The following WDFY4 variants were observed in gnomAD, a reference collection of about 807,000 sequenced individuals.
WDFY4 encodes WD repeat- and FYVE domain-containing protein 4.
In WDFY4, 169 loss-of-function variants were observed where a neutral mutation model predicts 351.9. That is an observed-to-expected ratio of 0.48 (90% CI 0.42 to 0.55). The LOEUF is 0.55. Ranked by LOEUF, WDFY4 falls within the 20% of genes least tolerant of loss-of-function variation. WDFY4 has a pLI of 0.00. For missense variants in WDFY4, 3,803 were observed against 3,935.6 expected (o/e 0.97, Z 0.90); for synonymous variants, 1,622 against 1,574.6 (o/e 1.03, Z -0.71).
At chr10:48,919,903 T>C (rs900621585) in intron 47 of WDFY4, among the ~76,000 whole-genome samples, 2 of 152,164 alleles carry the variant, frequency 1.3e-5, no homozygotes, top group African/African-American at 4.8e-5. Context: ...TCTCAACGTA[T>C]TTTCTGATGT....
intron 47 of WDFY4, among the ~76,000 whole-genome samples, chr10:48,921,893 G>A (rs1478540097): frequency 6.6e-6 from 1 of 152,110 alleles, no homozygotes; most frequent in Non-Finnish European, 1.5e-5. Context: ...ATAGTCTCTT[G>A]GAAGACACTT....
chr10:48,726,586 G>A (rs1009158232), intron 6 of WDFY4, among the ~76,000 whole-genome samples: 1 of 152,286 alleles, frequency 6.6e-6, no homozygotes, highest in East Asian at 1.9e-4. Context: ...GAGCCAGACA[G>A]CCAGGACTGG....
rs542056244 is a variant in WDFY4 at position 48,909,838 on chromosome 10, T to A, written c.7586+7975T>A. On this transcript the variant is annotated intron_variant, in intron 47 of 61. Coordinates refer to ENST00000325239, the MANE Select transcript of WDFY4 (RefSeq NM_001394531.1). ...GGAGGAGACAAATGCCCAAACCATA[T>A]CAGTATCTCATTATACCTACATAAA... The A allele has an allele frequency of 4.7e-5, 8 of 170,376 alleles. No homozygotes were observed. The East Asian group carries it at 1.3e-3, about 27-fold the overall frequency. The allele number at this position is 170,376 out of a possible 1,614,324, so 10.6% of individuals were successfully genotyped here.
chr10:48,979,594 G>C (rs1239976725), intron 60 of WDFY4: 1 of 151,894 alleles, frequency 6.6e-6, no homozygotes, highest in Non-Finnish European at 1.5e-5. Flanking sequence ...TGGATGGATG[G>C]ATGGATGGAT....
intron 27 of WDFY4, among the ~76,000 whole-genome samples, chr10:48,807,030 T>C (rs1211499786): frequency 6.6e-6 from 1 of 152,164 alleles, no homozygotes; most frequent in Non-Finnish European, 1.5e-5. Context: ...AAATTACTAT[T>C]CCCATTTTGC....
chr10:48,784,275 A>G (rs889335731), intron 19 of WDFY4, among the ~76,000 whole-genome samples: 11 of 152,336 alleles, frequency 7.2e-5, no homozygotes, highest in Admixed American at 6.5e-4. Context: ...AACTATTTCG[A>G]AAATGATTGT....
chr10:48,769,832 G>C (rs749283041), intron 13 of WDFY4, among the ~76,000 whole-genome samples: 51 of 152,230 alleles, frequency 3.4e-4, no homozygotes, highest in Non-Finnish European at 5.0e-4. Context: ...GGACTTAAAG[G>C]CTAGGTCGTT....
chr10:48,945,231 C>T (rs1045917534), intron 49 of WDFY4, among the ~76,000 whole-genome samples: 9 of 151,996 alleles, frequency 5.9e-5, no homozygotes, highest in South Asian at 2.1e-4. Context: ...CAAAAATTAG[C>T]GAGGCATGGT....
At chr10:48,762,309 G>T (rs1351785365) in intron 13 of WDFY4, among the ~76,000 whole-genome samples, 1 of 152,196 alleles carries the variant, frequency 6.6e-6, no homozygotes, top group Non-Finnish European at 1.5e-5. Context: ...TTAAGAAAAG[G>T]CCTGACCCAG....
chr10:48,880,232 C>T (rs2070190794), intron 43 of WDFY4, among the ~76,000 whole-genome samples: 2 of 152,184 alleles, frequency 1.3e-5, no homozygotes, highest in Admixed American at 6.5e-5. Flanking sequence ...CGAGTGAGTC[C>T]CAGCCCCGCC....
intron 39 of WDFY4, among the ~76,000 whole-genome samples, chr10:48,836,690 C>G (rs926089347): frequency 1.3e-5 from 2 of 152,168 alleles, no homozygotes; most frequent in Non-Finnish European, 2.9e-5. Flanking sequence ...TTCTTCTCCC[C>G]CTGACCCCAT....
intron 44 of WDFY4, among the ~76,000 whole-genome samples, chr10:48,894,745 T>C (rs976632830): frequency 6.6e-6 from 1 of 152,170 alleles, no homozygotes; most frequent in African/African-American, 2.4e-5. Context: ...TTTTCTGTGG[T>C]TCCCACAAGC....
rs2068356649 is a variant in WDFY4, at chr10:48,835,526, G to A, written c.6663+2817G>A. Reference sequence around the variant, plus strand: ...CACCCCAGCTTCCAGGCAGCCACGGGGAATGTCTCCCTCACCTTTTAGCAC... The same window carrying A: ...CACCCCAGCTTCCAGGCAGCCACGGAGAATGTCTCCCTCACCTTTTAGCAC... On this transcript the variant is annotated intron_variant, in intron 39 of 61. Coordinates refer to ENST00000325239, the MANE Select transcript of WDFY4 (RefSeq NM_001394531.1). Among the ~76,000 whole-genome samples the A allele has an allele frequency of 2.0e-5, 3 of 152,284 alleles. No homozygotes were observed. The South Asian group carries it at 6.2e-4, about 32-fold the overall frequency.
At chr10:48,854,383 A>G (rs1477142806) in intron 39 of WDFY4, among the ~76,000 whole-genome samples, 2 of 152,084 alleles carry the variant, frequency 1.3e-5, no homozygotes, top group Non-Finnish European at 2.9e-5. Context: ...TGCTGGGATT[A>G]CAGGCATGAG....
rs35450901 is a variant in WDFY4 at position 48,807,933 on chromosome 10, T to TC, written c.4819dup (p.Gln1607ProfsTer7). 1 of 1,547,168 alleles carries TC rather than the reference T, an allele frequency of 6.5e-7. No homozygotes were observed. The highest frequency in any genetic ancestry group is 8.7e-7 in the Non-Finnish European group (1 of 1,145,328). On this transcript the variant is annotated frameshift_variant, in exon 28 of 62. Coordinates refer to ENST00000325239, the MANE Select transcript of WDFY4 (RefSeq NM_001394531.1). LOFTEE classifies it high-confidence loss of function. ...GGAGATGCTGCTCAGTGTAATATCT[T>TC]CCCCCCAGCTTCATCTGTCCTCTGA...
At chr10:48,708,878 C>T (rs2063700411) in intron 1 of WDFY4, among the ~76,000 whole-genome samples, 1 of 152,086 alleles carries the variant, frequency 6.6e-6, no homozygotes, top group Non-Finnish European at 1.5e-5. Flanking sequence ...ACAGACCCAT[C>T]ATAGAAGGAA....
chr10:48,800,948 G>T (rs1049923078), intron 24 of WDFY4, among the ~76,000 whole-genome samples: 1 of 151,942 alleles, frequency 6.6e-6, no homozygotes, highest in Non-Finnish European at 1.5e-5. Context: ...GGTCAGGCTG[G>T]TCTTGAACTC....
At chr10:48,733,194 AC>A (rs1476408023) in intron 9 of WDFY4, among the ~76,000 whole-genome samples, 5 of 152,064 alleles carry the variant, frequency 3.3e-5, no homozygotes, top group Non-Finnish European at 7.4e-5. Context: ...GAGAAATTAA[AC>A]TTTTTTGTGA....
chr10:48,968,780 GGCTGGGGGTGGCTCCCAGAGTGGA>G (rs1842201165), intron 55 of WDFY4: 2 of 443,248 alleles, frequency 4.5e-6, no homozygotes, highest in South Asian at 5.1e-5. Context: ...TTCCAGCTGG[GGCTGGGGGTGGCTCCCAGAGTGGA>G]GCTGAGGGAG....
Sources: allele counts gnomAD v4.1 joint callset (sites outside exome capture counted in the v4.1 genomes callset), GRCh38; gene constraint gnomAD v4.1.1; transcripts MANE v1.5; gene names NCBI Gene and HGNC (gene_info 2026-07-23, HGNC 2026-07-21).